Variants in PRR16 observed in about 807,000 individuals in gnomAD.
PRR16 encodes protein Largen.
PRR16 carries 6 observed loss-of-function variants against 18.2 expected under a neutral mutation model. That is an observed-to-expected ratio of 0.33 (90% CI 0.18 to 0.65). The LOEUF is 0.65. Ranked by LOEUF, PRR16 falls within the 30% of genes least tolerant of loss-of-function variation. PRR16 has a pLI of 0.74. For missense variants in PRR16, 412 were observed against 376.6 expected, an observed-to-expected ratio of 1.09 and a Z score of -0.78; for synonymous variants, 151 against 147.8, an observed-to-expected ratio of 1.02 and a Z score of -0.16.
chr5:120,767,313 G>GAAGTAGGCAATATGTTTTGTCAT, the PRR16 span, among the ~76,000 whole-genome samples: 2 of 151,924 alleles, frequency 1.3e-5, no homozygotes, highest in Non-Finnish European at 2.9e-5. Flanking sequence ...GGGCACCATA[G>GAAGTAGGCAATATGTTTTGTCAT]AAGTAGGCAA....
chr5:120,706,694 T>C, the PRR16 span, among the ~76,000 whole-genome samples: 2 of 152,308 alleles, frequency 1.3e-5, no homozygotes, highest in Admixed American at 1.3e-4. Context: ...TCATAATAAC[T>C]CTTGTCAAAT....
At chr5:120,776,681 A>C in the PRR16 span, among the ~76,000 whole-genome samples, 2 of 152,184 alleles carry the variant, frequency 1.3e-5, no homozygotes, top group Non-Finnish European at 2.9e-5. Context: ...AAACAGAGAG[A>C]TAACAGATAT....
intron 1 of PRR16, among the ~76,000 whole-genome samples, chr5:120,501,037 T>C (rs901602175): frequency 5.4e-4 from 82 of 152,248 alleles, no homozygotes; most frequent in African/African-American, 1.8e-3. Flanking sequence ...TATAAAATGA[T>C]AGATTAAGTA....
chr5:120,529,602 A>T (rs1020032868), intron 1 of PRR16, among the ~76,000 whole-genome samples: 2 of 152,154 alleles, frequency 1.3e-5, no homozygotes, highest in Admixed American at 6.6e-5. Flanking sequence ...CGCAGAGTGC[A>T]TCAGCTTTCA....
intron 1 of PRR16, among the ~76,000 whole-genome samples, chr5:120,508,897 C>T (rs1750731020): frequency 6.6e-6 from 1 of 151,984 alleles, no homozygotes; most frequent in South Asian, 2.1e-4. Flanking sequence ...CTATCATTGT[C>T]TGAAAATAAA....
chr5:120,516,796 A>G (rs1257357364), intron 1 of PRR16, among the ~76,000 whole-genome samples: 1 of 152,114 alleles, frequency 6.6e-6, no homozygotes, highest in Non-Finnish European at 1.5e-5. Context: ...TGCACCATAG[A>G]CTAATGTTAA....
the PRR16 span, among the ~76,000 whole-genome samples, chr5:120,697,282 G>A: frequency 6.6e-6 from 1 of 152,114 alleles, no homozygotes; most frequent in Non-Finnish European, 1.5e-5. Context: ...TCCATCTCAC[G>A]CTAAACTCCG....
chr5:120,596,658 G>A (rs895168920), intron 1 of PRR16, among the ~76,000 whole-genome samples: 1 of 151,448 alleles, frequency 6.6e-6, no homozygotes, highest in Non-Finnish European at 1.5e-5. Context: ...CAAATACAAC[G>A]TATATCATTT....
the PRR16 span, among the ~76,000 whole-genome samples, chr5:120,753,579 TTCAGA>T: frequency 1.3e-5 from 2 of 151,470 alleles, no homozygotes; most frequent in Admixed American, 1.3e-4. Context: ...TGCTTCAGAA[TTCAGA>T]TCAGTGTGAG....
At chr5:120,755,487 A>G in the PRR16 span, among the ~76,000 whole-genome samples, 1 of 151,890 alleles carries the variant, frequency 6.6e-6, no homozygotes, top group African/African-American at 2.4e-5. Context: ...GCAGTATTTG[A>G]TTTTCTATGC....
the PRR16 span, among the ~76,000 whole-genome samples, chr5:120,714,555 TCAACCATTGTAGAA>T: frequency 0.057 from 8,633 of 152,246 alleles, 315 homozygotes; most frequent in South Asian, 0.083. Flanking sequence ...ATTAATTAGT[TCAACCATTGTAGAA>T]GACAGTATGG....
intron 1 of PRR16, among the ~76,000 whole-genome samples, chr5:120,542,116 A>C (rs1255071320): frequency 1.3e-5 from 2 of 152,082 alleles, no homozygotes; most frequent in Non-Finnish European, 2.9e-5. Flanking sequence ...TATATTTCTC[A>C]GGGGCACTGT....
chr5:120,774,698 A>AT, the PRR16 span, among the ~76,000 whole-genome samples: 2 of 152,278 alleles, frequency 1.3e-5, no homozygotes. Flanking sequence ...TCTATATGTG[A>AT]TTTTTAAAAT....
chr5:120,488,314 C>G (rs1174159217), intron 1 of PRR16, among the ~76,000 whole-genome samples: 2 of 152,144 alleles, frequency 1.3e-5, no homozygotes, highest in African/African-American at 2.4e-5. Context: ...TAATTATTAT[C>G]TCAATTTCAG....
intron 1 of PRR16, chr5:120,618,677 AG>A (rs1754590508): frequency 4.0e-6 from 2 of 499,436 alleles, no homozygotes; most frequent in African/African-American, 4.2e-5. Flanking sequence ...TAAATTTAAA[AG>A]TCTGCCTGTG....
chr5:120,495,227 T>C (rs1163783857), intron 1 of PRR16, among the ~76,000 whole-genome samples: 3 of 152,242 alleles, frequency 2.0e-5, no homozygotes, highest in African/African-American at 7.2e-5. Context: ...TATTTGATCA[T>C]GTTAGATTTA....
chr5:120,611,341 G>C (rs1034563403), intron 1 of PRR16, among the ~76,000 whole-genome samples: 3 of 152,158 alleles, frequency 2.0e-5, no homozygotes, highest in South Asian at 2.1e-4. Context: ...ACGTAACAAG[G>C]AGCCTAATGT....
chr5:120,546,352 A>T (rs1752073780), intron 1 of PRR16, among the ~76,000 whole-genome samples: 1 of 152,136 alleles, frequency 6.6e-6, no homozygotes, highest in Non-Finnish European at 1.5e-5. Flanking sequence ...AATCAAAATC[A>T]GTTGTTGCTC....
At chr5:120,587,673 T>C (rs1422750203) in intron 1 of PRR16, among the ~76,000 whole-genome samples, 2 of 152,212 alleles carry the variant, frequency 1.3e-5, no homozygotes, top group Non-Finnish European at 2.9e-5. Flanking sequence ...TTCTAAAATA[T>C]CACTGCTCAT....
Sources: allele counts gnomAD v4.1 joint callset (sites outside exome capture counted in the v4.1 genomes callset), GRCh38; gene constraint gnomAD v4.1.1; transcripts MANE v1.5; gene names NCBI Gene and HGNC (gene_info 2026-07-23, HGNC 2026-07-21).